ZNF823: variants seen among roughly 807,000 people sequenced by gnomAD.
ZNF823 encodes the protein zinc finger protein 823.
Under a neutral mutation model 11.4 loss-of-function variants are expected in ZNF823, and 5 were observed. That is an observed-to-expected ratio of 0.44 (90% CI 0.23 to 0.92). The LOEUF (loss-of-function observed/expected upper bound fraction) is 0.92. ZNF823 is among the 40% of genes least tolerant of loss of function. ZNF823 has a pLI of 0.24. For missense variants in ZNF823, 582 were observed against 738.5 expected (o/e 0.79, Z 2.46); for synonymous variants, 234 against 250.5 (o/e 0.93, Z 0.62).
At chr19:11,731,700 C>A (rs1237684016) in intron 1 of ZNF823, among the ~76,000 whole-genome samples, 1 of 152,162 alleles carries the variant, frequency 6.6e-6, no homozygotes, top group African/African-American at 2.4e-5. Flanking sequence ...TACAACAGCA[C>A]CATCCTCTGG....
At chr19:11,733,117 C>A (rs1463023612) in intron 1 of ZNF823, among the ~76,000 whole-genome samples, 5 of 152,082 alleles carry the variant, frequency 3.3e-5, no homozygotes, top group Non-Finnish European at 7.4e-5. Context: ...GCCTGTAATC[C>A]CAGCACTTTG....
At chr19:11,731,236 C>A (rs1162853886) in intron 1 of ZNF823, among the ~76,000 whole-genome samples, 1 of 151,838 alleles carries the variant, frequency 6.6e-6, no homozygotes, top group Non-Finnish European at 1.5e-5. Flanking sequence ...CGCTTGAACC[C>A]GGGAGGCAGA....
intron 3 of ZNF823, among the ~76,000 whole-genome samples, chr19:11,723,746 T>C (rs1974739652): frequency 6.6e-6 from 1 of 152,294 alleles, no homozygotes; most frequent in South Asian, 2.1e-4. Context: ...GGTTTCTCCA[T>C]GTTGGCCAGG....
chr19:11,732,182 T>TTTTTTTTG (rs1568469770), intron 1 of ZNF823, among the ~76,000 whole-genome samples: 1 of 150,512 alleles, frequency 6.6e-6, no homozygotes, highest in Non-Finnish European at 1.5e-5. Context: ...TTTTTTTTTT[T>TTTTTTTTG]GAGATGGAGT....
chr19:11,735,281 C>CAAAAAAAA (rs60923876), intron 1 of ZNF823, among the ~76,000 whole-genome samples: 34 of 98,976 alleles, frequency 3.4e-4, no homozygotes, highest in African/African-American at 4.3e-4. Context: ...TTTCAAAAAA[C>CAAAAAAAA]AAAAAAAAAA....
chr19:11,737,113 CA>C (rs1036553063), intron 1 of ZNF823, among the ~76,000 whole-genome samples: 10 of 152,134 alleles, frequency 6.6e-5, no homozygotes, highest in African/African-American at 2.4e-4. Context: ...GGAGCAGCCC[CA>C]AACAGTTCTG....
At chr19:11,734,094 G>T (rs2145220562) in intron 1 of ZNF823, among the ~76,000 whole-genome samples, 1 of 152,056 alleles carries the variant, frequency 6.6e-6, no homozygotes, top group African/African-American at 2.4e-5. Context: ...AATTAGCCGG[G>T]CCTAGTGGTG....
chr19:11,721,787 A>T lies in ZNF823; in HGVS notation c.1747T>A (p.Tyr583Asn), dbSNP rs1191427595. The T allele has an allele frequency of 6.2e-7, 1 of 1,614,202 alleles. No homozygotes were observed. The highest frequency in any genetic ancestry group is 1.7e-5 in the Admixed American group (1 of 60,026). ...GCTTTCCCACATTCCTTACATTCAT[A>T]CAGCTTCTCTCCAGTGTGAGTTTTT... The part of the protein sequence containing the change: ...HEKTHTGEKL[Y>N]ECKECGKALS... Residue 583 changes from tyrosine (Y) to asparagine (N), a missense_variant, in exon 4 of 4, where the codon TAT becomes AAT. Coordinates refer to ENST00000341191, the MANE Select transcript of ZNF823 (RefSeq NM_001080493.4).
chr19:11,730,107 T>C (rs1324428956), intron 1 of ZNF823, among the ~76,000 whole-genome samples: 1 of 152,006 alleles, frequency 6.6e-6, no homozygotes, highest in Non-Finnish European at 1.5e-5. Context: ...TTTGTATTTT[T>C]AGTAGAGACA....
At chr19:11,726,072 A>T (rs78867380) in intron 1 of ZNF823, 1 of 100,066 alleles carries the variant, frequency 1.0e-5, no homozygotes, top group African/African-American at 3.4e-5. Context: ...TATAAAAAAT[A>T]CAAAAAAAAA....
chr19:11,733,815 G>A (rs1974946470), intron 1 of ZNF823, among the ~76,000 whole-genome samples: 1 of 152,138 alleles, frequency 6.6e-6, no homozygotes, highest in Non-Finnish European at 1.5e-5. Flanking sequence ...CTCTAAGTCA[G>A]CCCCAACAGA....
In ZNF823 at chr19:11,721,340, C is replaced by T. The variant is rs572416171; in HGVS notation, c.*361G>A. On this transcript the variant is annotated 3_prime_UTR_variant, in exon 4 of 4. Transcript: ENST00000341191. ...GGGCCTGCAATGGTTGTGTCTGCAT[C>T]GAACATGTAGAGACTATTTTTCTTG... 10 of 175,204 alleles carry T rather than the reference C, an allele frequency of 5.7e-5. No individual in the cohort carries two copies. The South Asian group carries it at 1.4e-3, about 25-fold the overall frequency. The allele number at this position is 175,204 out of a possible 1,614,324, so 10.9% of individuals were successfully genotyped here. A position where few individuals can be genotyped will look rare whatever the true frequency, so the allele number is the denominator to read the frequency against.
At chr19:11,734,507 G>T (rs1974957903) in intron 1 of ZNF823, among the ~76,000 whole-genome samples, 1 of 152,084 alleles carries the variant, frequency 6.6e-6, no homozygotes, top group South Asian at 2.1e-4. Context: ...TCTTCCTCCT[G>T]CTGGACTCAG....
intron 1 of ZNF823, among the ~76,000 whole-genome samples, chr19:11,731,990 CAA>C (rs1048405235): frequency 1.8e-5 from 2 of 110,812 alleles, no homozygotes; most frequent in African/African-American, 7.1e-5. Flanking sequence ...GCTTGGGTAA[CAA>C]GAGTGAAACT....
Position 11,731,014 on chromosome 19 carries a change from A to C in ZNF823, c.4-5687T>G, listed in dbSNP as rs113008960. Among the ~76,000 whole-genome samples, 622 of 151,748 alleles carry C rather than the reference A, an allele frequency of 4.1e-3. 5 individuals are homozygous for C. Among genetic ancestry groups the C allele is most frequent in the African/African-American group, 0.014 (593 of 41,490 alleles). On this transcript the variant is annotated intron_variant, in intron 1 of 3. Coordinates refer to ENST00000341191, the MANE Select transcript of ZNF823 (RefSeq NM_001080493.4). Reference sequence around the variant, plus strand: ...AGGCAAAGAAACTAAAAAAAAAAAAAAAAAAAAACCGCCCGCAGCCGGGTG... The same window carrying C: ...AGGCAAAGAAACTAAAAAAAAAAAACAAAAAAAACCGCCCGCAGCCGGGTG...
At chr19:11,733,548 A>G (rs1974941663) in intron 1 of ZNF823, among the ~76,000 whole-genome samples, 1 of 151,540 alleles carries the variant, frequency 6.6e-6, no homozygotes, top group Non-Finnish European at 1.5e-5. Flanking sequence ...AAAATACAAA[A>G]ATTGGCTGGG....
chr19:11,735,024 C>T (rs561598025), intron 1 of ZNF823, among the ~76,000 whole-genome samples: 23 of 151,942 alleles, frequency 1.5e-4, no homozygotes, highest in Admixed American at 5.2e-4. Context: ...CCTGTAATCC[C>T]ACCACTTTGG....
chr19:11,727,230 G>T (rs1974806925), intron 1 of ZNF823, among the ~76,000 whole-genome samples: 1 of 152,110 alleles, frequency 6.6e-6, no homozygotes, highest in South Asian at 2.1e-4. Flanking sequence ...AACCTAACCG[G>T]CAGGGTGTGG....
rs868640859 is a variant in ZNF823, at chr19:11,726,295, T to C, written c.4-968A>G. 9.9e-5 allele frequency among the ~76,000 whole-genome samples: 14 copies of C among 141,388 alleles called. 1 individual carries two copies. The highest frequency in any genetic ancestry group is 3.6e-4 in the Admixed American group (5 of 13,796). The allele number at this position is 141,388 out of a possible 152,430, so 92.8% of individuals were successfully genotyped here. On this transcript the variant is annotated intron_variant, in intron 1 of 3. Coordinates refer to ENST00000341191, the MANE Select transcript of ZNF823 (RefSeq NM_001080493.4). ...ACAAAAAATAAAAAATACATATATA[T>C]ATATATATATATAAATTTTTTTTTA...
Sources: allele counts gnomAD v4.1 joint callset (sites outside exome capture counted in the v4.1 genomes callset), GRCh38; gene constraint gnomAD v4.1.1; transcripts MANE v1.5; gene names NCBI Gene and HGNC (gene_info 2026-07-23, HGNC 2026-07-21).